MIPOL1: variants seen among roughly 807,000 people sequenced by gnomAD.
MIPOL1 encodes the protein mirror-image polydactyly gene 1 protein.
In MIPOL1, 57 loss-of-function variants were observed where a neutral mutation model predicts 60.9. The observed-to-expected ratio is 0.94, with a 90% CI of 0.76 to 1.17. The LOEUF (loss-of-function observed/expected upper bound fraction) is 1.17, where lower values mean the gene tolerates loss of function less well. Ranked by LOEUF, MIPOL1 falls within the 50% of genes most tolerant of loss-of-function variation. MIPOL1 has a pLI of 0.00. For synonymous variants in MIPOL1, 179 were observed against 168.8 expected (o/e 1.06, Z -0.47); for missense variants, 551 against 511.6 (o/e 1.08, Z -0.74).
chr14:37,326,332 G>A (rs1275367579), intron 9 of MIPOL1, among the ~76,000 whole-genome samples: 1 of 152,192 alleles, frequency 6.6e-6, no homozygotes, highest in Non-Finnish European at 1.5e-5. Flanking sequence ...GCTTCCCTGT[G>A]AAGTGAGTTC....
chr14:37,345,088 G>T (rs184814892), intron 9 of MIPOL1, among the ~76,000 whole-genome samples: 4 of 151,296 alleles, frequency 2.6e-5, no homozygotes, highest in South Asian at 2.1e-4. Context: ...TTAACAATTT[G>T]ATTTTTAGTT....
chr14:37,354,002 G>A (rs1225197092), intron 9 of MIPOL1, among the ~76,000 whole-genome samples: 2 of 151,442 alleles, frequency 1.3e-5, no homozygotes, highest in Admixed American at 1.3e-4. Flanking sequence ...TGATGTTAGG[G>A]TGTCAATTTT....
chr14:37,428,575 G>A (rs1047838345), intron 11 of MIPOL1, among the ~76,000 whole-genome samples: 3 of 151,998 alleles, frequency 2.0e-5, no homozygotes, highest in Non-Finnish European at 4.4e-5. Context: ...GAAACAGAGT[G>A]AGACTCTGTC....
At chr14:37,355,057 T>C (rs1032962622) in intron 9 of MIPOL1, among the ~76,000 whole-genome samples, 1 of 147,710 alleles carries the variant, frequency 6.8e-6, no homozygotes, top group Non-Finnish European at 1.5e-5. Flanking sequence ...GGTTGTCCTT[T>C]CCATGTTTAG....
chr14:37,410,534 C>T (rs1056531653), intron 10 of MIPOL1, among the ~76,000 whole-genome samples: 20 of 152,010 alleles, frequency 1.3e-4, no homozygotes, highest in African/African-American at 4.6e-4. Context: ...GACACAGGTA[C>T]ATGGTTCTAT....
chr14:37,412,335 A>T (rs2093693311), intron 10 of MIPOL1, among the ~76,000 whole-genome samples: 1 of 152,118 alleles, frequency 6.6e-6, no homozygotes, highest in Admixed American at 6.6e-5. Context: ...TATGTAAATA[A>T]CTGTGGTGTA....
intron 1 of MIPOL1, among the ~76,000 whole-genome samples, chr14:37,246,332 T>C (rs1353922422): frequency 1.3e-5 from 2 of 152,152 alleles, no homozygotes; most frequent in Non-Finnish European, 2.9e-5. Context: ...AGATGTAGTT[T>C]GGGACTCAGA....
intron 12 of MIPOL1, among the ~76,000 whole-genome samples, chr14:37,531,467 T>C (rs1481708505): frequency 1.3e-5 from 2 of 151,970 alleles, no homozygotes; most frequent in African/African-American, 4.8e-5. Flanking sequence ...ACAAAAAATA[T>C]ATATATTAAT....
At chr14:37,493,161 A>G (rs911917300) in intron 11 of MIPOL1, among the ~76,000 whole-genome samples, 3 of 152,186 alleles carry the variant, frequency 2.0e-5, no homozygotes, top group African/African-American at 7.2e-5. Context: ...TCATGGAGAC[A>G]AGAGAGGAAG....
intron 11 of MIPOL1, among the ~76,000 whole-genome samples, chr14:37,455,157 G>T (rs1223336961): frequency 1.3e-5 from 2 of 152,184 alleles, no homozygotes; most frequent in Non-Finnish European, 2.9e-5. Context: ...ATGGAAGGCA[G>T]CAATGTCCTT....
At chr14:37,526,545 A>ATTT (rs760730621) in intron 12 of MIPOL1, among the ~76,000 whole-genome samples, 1 of 116,700 alleles carries the variant, frequency 8.6e-6, no homozygotes, top group Non-Finnish European at 1.9e-5. Flanking sequence ...AATTTTTTGT[A>ATTT]TTTTTTTTTT....
intron 11 of MIPOL1, among the ~76,000 whole-genome samples, chr14:37,429,161 T>C (rs2094017118): frequency 6.6e-6 from 1 of 152,206 alleles, no homozygotes; most frequent in Admixed American, 6.5e-5. Flanking sequence ...TTCCTGTTGT[T>C]ATAAACCTGT....
intron 11 of MIPOL1, among the ~76,000 whole-genome samples, chr14:37,466,932 A>T (rs994796380): frequency 3.9e-5 from 6 of 152,250 alleles, no homozygotes; most frequent in Admixed American, 2.6e-4. Context: ...CAAGCTAATT[A>T]AAAAAGGCAT....
chr14:37,214,711 A>G, intron 1 of MIPOL1, among the ~76,000 whole-genome samples: 1 of 152,244 alleles, frequency 6.6e-6, no homozygotes, highest in East Asian at 1.9e-4. Context: ...TGACCAGAAG[A>G]TAATAGTGTG....
At chr14:37,467,383 C>T (rs554607769) in intron 11 of MIPOL1, among the ~76,000 whole-genome samples, 20 of 152,306 alleles carry the variant, frequency 1.3e-4, no homozygotes, top group Non-Finnish European at 2.1e-4. Flanking sequence ...ATGATTAACA[C>T]TTCTCTATAA....
intron 10 of MIPOL1, among the ~76,000 whole-genome samples, chr14:37,387,211 A>T (rs766046700): frequency 1.3e-5 from 2 of 151,818 alleles, no homozygotes; most frequent in Non-Finnish European, 3.0e-5. Context: ...TTTTTAAACT[A>T]TGAAAGTATT....
At position 37,290,151 on chromosome 14, in the gene MIPOL1, C is replaced by T. The variant is rs565003658; in HGVS notation, c.623+4704C>T. Among the ~76,000 whole-genome samples, 7 of 152,158 alleles carry T rather than the reference C, an allele frequency of 4.6e-5. No individual in the cohort carries two copies. In the South Asian group the frequency reaches 8.3e-4, roughly 18 times the overall value. ...TTCTAAACATTGTAAAAATGTTACTCGCTTGTCTTCTGACATTGTTTGCCT... is the reference window on the plus strand; with the variant it reads ...TTCTAAACATTGTAAAAATGTTACTTGCTTGTCTTCTGACATTGTTTGCCT... On this transcript the variant is annotated intron_variant, in intron 7 of 12. Coordinates refer to ENST00000684589, the MANE Select transcript of MIPOL1 (RefSeq NM_001388067.1).
intron 1 of MIPOL1, among the ~76,000 whole-genome samples, chr14:37,202,420 A>G (rs181157546): frequency 6.6e-6 from 1 of 152,030 alleles, no homozygotes; most frequent in Non-Finnish European, 1.5e-5. Context: ...CACACACACA[A>G]TGACTAATGT....
intron 1 of MIPOL1, chr14:37,219,709 T>C (rs1968412423): frequency 6.6e-6 from 1 of 152,194 alleles, no homozygotes; most frequent in Non-Finnish European, 1.5e-5. Flanking sequence ...GTCTTCTGTA[T>C]CCCTACTGAT....
Sources: gnomAD v4.1 joint callset for allele counts (sites outside exome capture counted in the v4.1 genomes callset) on GRCh38, gnomAD v4.1.1 for gene constraint, MANE v1.5 for transcripts, NCBI Gene and HGNC (gene_info 2026-07-23, HGNC 2026-07-21) for gene names.